Variants in COL23A1 observed in about 807,000 individuals in gnomAD.
COL23A1 encodes collagen alpha-1(XXIII) chain.
Under a neutral mutation model 99.3 loss-of-function variants are expected in COL23A1, and 97 were observed. The ratio of observed to expected loss-of-function variants is 0.98; its 90% CI spans 0.83 to 1.16. The LOEUF (loss-of-function observed/expected upper bound fraction) is 1.16. COL23A1 is among the 50% of genes most tolerant of loss of function. The pLI is 0.00. For missense variants in COL23A1, 762 were observed against 757.4 expected, an observed-to-expected ratio of 1.01 and a Z score of -0.07; for synonymous variants, 320 against 308.2, an observed-to-expected ratio of 1.04 and a Z score of -0.40.
At chr5:178,510,106 T>C (rs1759117907) in intron 2 of COL23A1, among the ~76,000 whole-genome samples, 1 of 152,254 alleles carries the variant, frequency 6.6e-6, no homozygotes, top group Non-Finnish European at 1.5e-5. Flanking sequence ...CTATGATTTA[T>C]GATCTTCAAA....
chr5:178,444,944 C>CTG (rs1347709567), intron 2 of COL23A1, among the ~76,000 whole-genome samples: 10 of 152,166 alleles, frequency 6.6e-5, no homozygotes, highest in Non-Finnish European at 1.3e-4. Context: ...ACAATGTATA[C>CTG]ACAGCACTTA....
chr5:178,442,651 GC>G (rs1455726977), intron 2 of COL23A1, among the ~76,000 whole-genome samples: 3 of 152,188 alleles, frequency 2.0e-5, no homozygotes, highest in African/African-American at 4.8e-5. Flanking sequence ...TTACTTTAAA[GC>G]AGCAGAAGCT....
chr5:178,282,313 C>T (rs114537342), intron 5 of COL23A1, among the ~76,000 whole-genome samples: 1,699 of 152,052 alleles, frequency 0.011, 36 homozygotes, highest in African/African-American at 0.038. Flanking sequence ...TTTCTTTTTT[C>T]GTAAAGCAGG....
At chr5:178,462,818 A>G (rs990287561) in intron 2 of COL23A1, among the ~76,000 whole-genome samples, 2 of 152,258 alleles carry the variant, frequency 1.3e-5, no homozygotes, top group Non-Finnish European at 2.9e-5. Flanking sequence ...CAGATTTTTC[A>G]TTAACAAATG....
At chr5:178,319,473 A>G (rs1759166051) in intron 2 of COL23A1, among the ~76,000 whole-genome samples, 1 of 152,034 alleles carries the variant, frequency 6.6e-6, no homozygotes, top group African/African-American at 2.4e-5. Context: ...CCTGCCTGCT[A>G]AAAGCCCCAC....
Position 178,268,624 on chromosome 5 carries a change from A to C in COL23A1, c.495+106T>G. 2.8e-6 allele frequency: 3 copies of C among 1,085,198 alleles called. No homozygotes were observed. In the South Asian group the frequency reaches 5.7e-5, roughly 21 times the overall value. 67.2% of individuals were successfully genotyped at this position (1,085,198 alleles called of 1,614,324 possible). A position where few individuals can be genotyped will look rare whatever the true frequency, so the allele number is the denominator to read the frequency against. On this transcript the variant is annotated intron_variant, in intron 7 of 28. Transcript: ENST00000390654. ...CAGATGGGGAAACTGAGGCTCTAGG[A>C]GGGGCTGTGATGTGCTCAAGGGCAC...
chr5:178,480,749 G>A (rs1400524424), intron 2 of COL23A1, among the ~76,000 whole-genome samples: 1 of 152,166 alleles, frequency 6.6e-6, no homozygotes, highest in Admixed American at 6.5e-5. Flanking sequence ...TAGGTATCTA[G>A]TCAACAAGGA....
rs939377882 is a variant in COL23A1, at chr5:178,387,617, A to G, written c.362-80698T>C. 7.2e-5 allele frequency among the ~76,000 whole-genome samples: 11 copies of G among 152,146 alleles called. No homozygotes were observed. The highest frequency in any genetic ancestry group is 2.7e-4 in the African/African-American group (11 of 41,424). On this transcript the variant is annotated intron_variant, in intron 2 of 28. Coordinates refer to ENST00000390654, the MANE Select transcript of COL23A1 (RefSeq NM_173465.4). This position sits in a 1 kb window ranked among gnomAD's most constrained non-coding sequence, Gnocchi z 4.7. ...CCTGAGCCTCCCCTCCTGGACCAATAACTTCTAGAGGCTCATGACCATTTA... is the reference window on the plus strand; with the variant it reads ...CCTGAGCCTCCCCTCCTGGACCAATGACTTCTAGAGGCTCATGACCATTTA...
rs143701425 is a variant in COL23A1 at position 178,240,648 on chromosome 5, G to A, written c.1581+1394C>T. On this transcript the variant is annotated intron_variant, in intron 27 of 28. Transcript: ENST00000390654. ...CCTGCTGTCCCCGCCCTTTCTGTGC[G>A]CTGACCACTTCGCTCTTCAAGTCCT... Among the ~76,000 whole-genome samples, 893 of 152,352 alleles carry A rather than the reference G, an allele frequency of 5.9e-3. 11 individuals carry two copies. The highest frequency in any genetic ancestry group is 0.02 in the African/African-American group (845 of 41,582).
intron 2 of COL23A1, among the ~76,000 whole-genome samples, chr5:178,357,595 T>C (rs561843006): frequency 6.6e-6 from 1 of 152,378 alleles, no homozygotes; most frequent in African/African-American, 2.4e-5. Flanking sequence ...AGCCTTTGAC[T>C]CTAGGCTGAT....
At chr5:178,361,980 C>G (rs1762197787) in intron 2 of COL23A1, among the ~76,000 whole-genome samples, 1 of 152,138 alleles carries the variant, frequency 6.6e-6, no homozygotes, top group African/African-American at 2.4e-5. Context: ...TGGACGCCCC[C>G]TAGGAAATGC....
chr5:178,385,680 ACGT>A (rs1256800746), intron 2 of COL23A1, among the ~76,000 whole-genome samples: 1 of 152,154 alleles, frequency 6.6e-6, no homozygotes, highest in Non-Finnish European at 1.5e-5. Flanking sequence ...CATCTGCCAC[ACGT>A]CGTGGCTTGA....
chr5:178,482,222 A>G (rs1162892994), intron 2 of COL23A1, among the ~76,000 whole-genome samples: 2 of 152,202 alleles, frequency 1.3e-5, no homozygotes, highest in Admixed American at 1.3e-4. Flanking sequence ...TCAACAGATG[A>G]ATAACCAATT....
At chr5:178,301,732 G>A (rs1407379823) in intron 3 of COL23A1, among the ~76,000 whole-genome samples, 1 of 152,226 alleles carries the variant, frequency 6.6e-6, no homozygotes, top group African/African-American at 2.4e-5. Context: ...TGAATGCCTT[G>A]ATCCAACGTC....
intron 14 of COL23A1, 79 bp from the exon 15 acceptor site, chr5:178,256,476 C>A: frequency 7.1e-7 from 1 of 1,399,070 alleles, no homozygotes; most frequent in Non-Finnish European, 9.6e-7. Flanking sequence ...CCCCAGTCCC[C>A]TCTTCCCAGG....
intron 1 of COL23A1, chr5:178,562,741 G>A (rs1762660151): frequency 6.9e-6 from 1 of 145,220 alleles, no homozygotes; most frequent in Non-Finnish European, 1.5e-5. Context: ...GGTGGTGGGG[G>A]GGGTGCGGGC....
At chr5:178,456,437 G>A (rs1015607546) in intron 2 of COL23A1, among the ~76,000 whole-genome samples, 1 of 152,152 alleles carries the variant, frequency 6.6e-6, no homozygotes, top group Admixed American at 6.5e-5. Flanking sequence ...GGTGGCTCAC[G>A]CCTGTAATCC....
chr5:178,565,870 T>C (rs1245739983), intron 1 of COL23A1, among the ~76,000 whole-genome samples: 2 of 149,820 alleles, frequency 1.3e-5, no homozygotes, highest in African/African-American at 2.5e-5. Flanking sequence ...CCCAGCACTT[T>C]GGGAGGCCGA....
chr5:178,528,566 C>T (rs1760454017), intron 2 of COL23A1, among the ~76,000 whole-genome samples: 8 of 152,338 alleles, frequency 5.3e-5, no homozygotes, highest in Admixed American at 4.6e-4. Flanking sequence ...GTAATCCCAG[C>T]ACTTTGGGAG....
Sources: gnomAD v4.1 joint callset for allele counts (sites outside exome capture counted in the v4.1 genomes callset) on GRCh38, gnomAD v4.1.1 for gene constraint, Gnocchi (gnomAD v3.1) non-coding constraint, MANE v1.5 for transcripts, NCBI Gene and HGNC (gene_info 2026-07-23, HGNC 2026-07-21) for gene names.